SRFBP1: variants seen among roughly 807,000 people sequenced by gnomAD.
The protein encoded by SRFBP1 is serum response factor-binding protein 1.
In SRFBP1, 47 loss-of-function variants were observed where a neutral mutation model predicts 45.5. The ratio of observed to expected loss-of-function variants is 1.03; its 90% CI spans 0.82 to 1.32. The LOEUF is 1.32. Ranked by LOEUF, SRFBP1 falls within the 40% of genes most tolerant of loss-of-function variation. The pLI is 0.00. For missense variants in SRFBP1, 621 were observed against 484.6 expected (o/e 1.28, Z -2.64); for synonymous variants, 203 against 166.3 (o/e 1.22, Z -1.70).
At chr5:121,967,949 A>C (rs1160088176) in intron 1 of SRFBP1, among the ~76,000 whole-genome samples, 3 of 152,188 alleles carry the variant, frequency 2.0e-5, no homozygotes, top group East Asian at 1.9e-4. Flanking sequence ...AGGAAATGTC[A>C]GTGTTTTGCT....
intron 2 of SRFBP1, among the ~76,000 whole-genome samples, chr5:122,061,175 A>C (rs1754163389): frequency 6.6e-6 from 1 of 151,602 alleles, no homozygotes; most frequent in African/African-American, 2.4e-5. Context: ...TAATTCACTA[A>C]AGACATATAT....
At chr5:122,024,427 C>T (rs1280394900) in intron 7 of SRFBP1, among the ~76,000 whole-genome samples, 2 of 152,178 alleles carry the variant, frequency 1.3e-5, no homozygotes, top group East Asian at 3.9e-4. Context: ...TGCTAAATCT[C>T]AGTGGTTTGT....
chr5:121,975,132 G>C (rs1752275999), intron 2 of SRFBP1, among the ~76,000 whole-genome samples, 183 bp from the exon 3 acceptor site: 1 of 151,946 alleles, frequency 6.6e-6, no homozygotes, highest in African/African-American at 2.4e-5. Flanking sequence ...CAACATATGG[G>C]TTTGGTTAGT....
chr5:121,982,735 T>C (rs1752435959), intron 3 of SRFBP1, among the ~76,000 whole-genome samples: 1 of 151,742 alleles, frequency 6.6e-6, no homozygotes, highest in Admixed American at 6.6e-5. Flanking sequence ...ATTCTGGAAT[T>C]CTTCACCTAG....
At chr5:121,979,014 G>A (rs1419706184) in intron 3 of SRFBP1, among the ~76,000 whole-genome samples, 1 of 152,080 alleles carries the variant, frequency 6.6e-6, no homozygotes, top group Non-Finnish European at 1.5e-5. Flanking sequence ...CTTACAATCA[G>A]CAGTTAGGAT....
intron 7 of SRFBP1, among the ~76,000 whole-genome samples, chr5:122,024,240 A>G (rs900621799): frequency 6.6e-6 from 1 of 152,192 alleles, no homozygotes; most frequent in Non-Finnish European, 1.5e-5. Context: ...CTGCTTGCCA[A>G]GTTATCACTG....
rs542832902 is a variant in SRFBP1 at position 121,973,968 on chromosome 5, T to TA, written c.37-222dup. ...TATCTCGGGTAATACTGTGACTTTT[T>TA]AAAAAATTATAACTTGTTTTTCTTA... On this transcript the variant is annotated intron_variant, in intron 1 of 7. Coordinates refer to ENST00000339397, the MANE Select transcript of SRFBP1 (RefSeq NM_152546.3). Among the ~76,000 whole-genome samples, 301 of 151,980 alleles carry TA rather than the reference T, an allele frequency of 2.0e-3. 2 individuals carry two copies. Among genetic ancestry groups the TA allele is most frequent in the African/African-American group, 6.9e-3 (286 of 41,526 alleles).
rs532241431 is a variant in SRFBP1 at position 122,054,179 on chromosome 5, C to G, written n.312-21136C>G. ...CCTTTGGACTTGACTGTTGCCCCCA[C>G]AAAACATCTGAGTGGCTCCCTGCCT... On this transcript the variant is annotated intron_variant and non_coding_transcript_variant, in intron 2 of 2. Transcript: ENST00000504881. Among the ~76,000 whole-genome samples, 5 of 152,314 alleles carry G rather than the reference C, an allele frequency of 3.3e-5. No homozygotes were observed. In the East Asian group the frequency reaches 9.6e-4, roughly 29 times the overall value.
At chr5:121,977,726 T>G (rs1430649880) in intron 3 of SRFBP1, among the ~76,000 whole-genome samples, 1 of 152,156 alleles carries the variant, frequency 6.6e-6, no homozygotes, top group Non-Finnish European at 1.5e-5. Flanking sequence ...TATCCTATTC[T>G]TGCTTTCTAT....
intron 4 of SRFBP1, among the ~76,000 whole-genome samples, chr5:121,998,664 A>T (rs1752788070): frequency 6.6e-6 from 1 of 150,638 alleles, no homozygotes. Context: ...TTAAAGTATA[A>T]AAAAAAAAAA....
At chr5:121,977,468 T>C (rs1056089978) in intron 3 of SRFBP1, among the ~76,000 whole-genome samples, 32 of 152,148 alleles carry the variant, frequency 2.1e-4, no homozygotes, top group African/African-American at 7.2e-4. Context: ...TTATGGTTCT[T>C]TTACAAATTT....
chr5:122,000,562 A>G (rs1288294818), intron 4 of SRFBP1, among the ~76,000 whole-genome samples: 1 of 152,016 alleles, frequency 6.6e-6, no homozygotes, highest in Non-Finnish European at 1.5e-5. Flanking sequence ...TAAGTATAGA[A>G]TTCTGTGTTG....
rs572559694 is a variant in SRFBP1, at chr5:122,016,608, G to T, written c.271-2652G>T. Among the ~76,000 whole-genome samples, 5 of 152,118 alleles carry T rather than the reference G, an allele frequency of 3.3e-5. No individual in the cohort carries two copies. The East Asian group carries it at 9.7e-4, about 29-fold the overall frequency. On this transcript the variant is annotated intron_variant, in intron 4 of 7. Coordinates refer to ENST00000339397, the MANE Select transcript of SRFBP1 (RefSeq NM_152546.3). ...AGCCTGAAAAATCATGTTTTTCATT[G>T]GAGTTTCTATATTCTAGCTTTTAAT...
At chr5:121,972,138 A>T (rs1262350542) in intron 1 of SRFBP1, among the ~76,000 whole-genome samples, 2 of 151,954 alleles carry the variant, frequency 1.3e-5, no homozygotes, top group Non-Finnish European at 2.9e-5. Flanking sequence ...GAAGAGAATG[A>T]CAATGCTATG....
intron 3 of SRFBP1, among the ~76,000 whole-genome samples, chr5:121,991,494 T>C (rs1028022279): frequency 6.6e-6 from 1 of 152,150 alleles, no homozygotes; most frequent in African/African-American, 2.4e-5. Flanking sequence ...AGAAAAGCTA[T>C]GTGTGAAATT....
intron 4 of SRFBP1, among the ~76,000 whole-genome samples, chr5:122,005,083 A>AG (rs1465760313): frequency 1.3e-5 from 2 of 152,050 alleles, no homozygotes; most frequent in Non-Finnish European, 2.9e-5. Flanking sequence ...TCTGTTTGGG[A>AG]GAATGTTCCT....
At chr5:121,990,188 A>G (rs1752592367) in intron 3 of SRFBP1, among the ~76,000 whole-genome samples, 1 of 152,214 alleles carries the variant, frequency 6.6e-6, no homozygotes, top group African/African-American at 2.4e-5. Flanking sequence ...CATCAATGGT[A>G]GATTGAATAA....
intron 1 of SRFBP1, among the ~76,000 whole-genome samples, chr5:121,966,395 G>C (rs1013925065): frequency 1.3e-5 from 2 of 152,152 alleles, no homozygotes; most frequent in Non-Finnish European, 2.9e-5. Context: ...TTTTATAGCA[G>C]CTTCCCTAAC....
chr5:122,053,726 A>C (rs1369724251), intron 2 of SRFBP1, among the ~76,000 whole-genome samples: 2 of 152,020 alleles, frequency 1.3e-5, no homozygotes, highest in African/African-American at 4.8e-5. Flanking sequence ...AAGTGTTTCC[A>C]GAACAACAGG....
Sources: gnomAD v4.1 joint callset for allele counts (sites outside exome capture counted in the v4.1 genomes callset) on GRCh38, gnomAD v4.1.1 for gene constraint, MANE v1.5 for transcripts, NCBI Gene and HGNC (gene_info 2026-07-23, HGNC 2026-07-21) for gene names.